Variants in LRRC37A2 observed in about 807,000 individuals in gnomAD.
LRRC37A2 encodes leucine rich repeat containing 37 member A2.
A neutral mutation model predicts 68.8 loss-of-function variants in LRRC37A2; 9 were observed. That is an observed-to-expected ratio of 0.13 (90% CI 0.08 to 0.23). The LOEUF is 0.23. Among genes scored for constraint, LRRC37A2 ranks in the 10% least tolerant of loss-of-function variants. The pLI is 1.00. For missense variants in LRRC37A2, 168 were observed against 950.4 expected, an observed-to-expected ratio of 0.18 and a Z score of 10.82; for synonymous variants, 63 against 367.6, an observed-to-expected ratio of 0.17 and a Z score of 9.48.
chr17:46,962,935 C>T, the LRRC37A2 span, among the ~76,000 whole-genome samples: 1 of 152,182 alleles, frequency 6.6e-6, no homozygotes, highest in Non-Finnish European at 1.5e-5. Flanking sequence ...GTGATTTAAT[C>T]CTTTCAAACA....
chr17:46,830,846 T>G, the LRRC37A2 span: 1 of 398,194 alleles, frequency 2.5e-6, no homozygotes, highest in East Asian at 3.6e-5. Context: ...TCCTTCTGAG[T>G]ATCCTCAAAG....
the LRRC37A2 span, among the ~76,000 whole-genome samples, chr17:46,498,880 T>C: frequency 6.6e-6 from 1 of 150,860 alleles, no homozygotes; most frequent in Non-Finnish European, 1.5e-5. Flanking sequence ...TATGTAGATA[T>C]ACGTATATAT....
At chr17:46,390,170 C>A in the LRRC37A2 span, among the ~76,000 whole-genome samples, 4 of 119,560 alleles carry the variant, frequency 3.3e-5, no homozygotes, top group East Asian at 2.2e-4. Context: ...ATCTCACCAT[C>A]TCTCTTCCTT....
chr17:46,500,939 G>A, the LRRC37A2 span, among the ~76,000 whole-genome samples: 1 of 151,158 alleles, frequency 6.6e-6, no homozygotes, highest in Admixed American at 6.6e-5. Context: ...CAGCACTTTG[G>A]GAGGCTGAAG....
the LRRC37A2 span, among the ~76,000 whole-genome samples, chr17:46,784,937 G>A: frequency 1.8e-4 from 28 of 152,094 alleles, no homozygotes; most frequent in Admixed American, 1.5e-3. Context: ...CACCATGCCC[G>A]GCTAATTTTT....
chr17:46,842,559 A>T, the LRRC37A2 span, among the ~76,000 whole-genome samples: 5 of 151,986 alleles, frequency 3.3e-5, no homozygotes, highest in African/African-American at 1.2e-4. Flanking sequence ...TTTTGTAGAG[A>T]TGGGATCTTG....
At chr17:46,896,395 A>AAAGAAAG in the LRRC37A2 span, among the ~76,000 whole-genome samples, 1 of 56,252 alleles carries the variant, frequency 1.8e-5, no homozygotes, top group East Asian at 6.2e-4. Context: ...AAAGAAAGAG[A>AAAGAAAG]AAGAAAGAAA....
chr17:46,978,502 G>T, the LRRC37A2 span: 2 of 985,940 alleles, frequency 2.0e-6, no homozygotes, highest in African/African-American at 1.7e-5. Flanking sequence ...CCCGCCGACA[G>T]TCTCGCCGCG....
At chr17:46,817,038 G>C in the LRRC37A2 span, among the ~76,000 whole-genome samples, 1 of 152,186 alleles carries the variant, frequency 6.6e-6, no homozygotes, top group African/African-American at 2.4e-5. Context: ...TGTGGGTTGG[G>C]CAGAAGAAAG....
the LRRC37A2 span, among the ~76,000 whole-genome samples, chr17:46,789,953 C>T: frequency 6.6e-6 from 1 of 152,290 alleles, no homozygotes; most frequent in Admixed American, 6.5e-5. Context: ...CTTTGCGCCT[C>T]ATCCCCCCAC....
the LRRC37A2 span, among the ~76,000 whole-genome samples, chr17:46,792,157 T>C: frequency 6.6e-6 from 1 of 152,114 alleles, no homozygotes; most frequent in Non-Finnish European, 1.5e-5. Flanking sequence ...AAAGGCAAAA[T>C]GTCAGTGCAC....
At chr17:46,732,475 A>G in the LRRC37A2 span, among the ~76,000 whole-genome samples, 1 of 151,472 alleles carries the variant, frequency 6.6e-6, no homozygotes, top group South Asian at 2.1e-4. Context: ...TTCAAGTCAG[A>G]TTTCAGTTAC....
chr17:46,922,401 G>A, the LRRC37A2 span, among the ~76,000 whole-genome samples: 62 of 152,112 alleles, frequency 4.1e-4, no homozygotes, highest in Non-Finnish European at 7.6e-4. Flanking sequence ...GTTAATGGGT[G>A]CAGCACACCA....
the LRRC37A2 span, among the ~76,000 whole-genome samples, chr17:46,735,692 C>A: frequency 6.6e-6 from 1 of 152,124 alleles, no homozygotes; most frequent in East Asian, 1.9e-4. Flanking sequence ...TGCCTGTAAT[C>A]CCAGCACTTT....
the LRRC37A2 span, among the ~76,000 whole-genome samples, chr17:46,900,184 T>TACACAC: frequency 1.6e-5 from 2 of 122,198 alleles, no homozygotes; most frequent in Admixed American, 1.6e-4. Context: ...TATATATATA[T>TACACAC]ATATATATAT....
the LRRC37A2 span, chr17:46,966,634 C>A: frequency 3.1e-6 from 2 of 653,772 alleles, no homozygotes; most frequent in East Asian, 2.9e-5. Flanking sequence ...TAGGTATGAG[C>A]CACCACCCTG....
chr17:46,870,422 T>C, the LRRC37A2 span, among the ~76,000 whole-genome samples: 1 of 152,116 alleles, frequency 6.6e-6, no homozygotes, highest in Non-Finnish European at 1.5e-5. Context: ...GGGGTTTGGG[T>C]GTAGACCTGG....
At chr17:46,979,441 A>C in the LRRC37A2 span, among the ~76,000 whole-genome samples, 1 of 152,194 alleles carries the variant, frequency 6.6e-6, no homozygotes, top group Non-Finnish European at 1.5e-5. Flanking sequence ...CGGGCCGGCG[A>C]AACTCCACCC....
At chr17:46,489,369 C>T in the LRRC37A2 span, among the ~76,000 whole-genome samples, 1 of 104,402 alleles carries the variant, frequency 9.6e-6, no homozygotes, top group African/African-American at 3.5e-5. Flanking sequence ...AACTCCTGAC[C>T]TCAGGTGATC....
Sources: allele counts gnomAD v4.1 joint callset (sites outside exome capture counted in the v4.1 genomes callset), GRCh38; gene constraint gnomAD v4.1.1; transcripts MANE v1.5; gene names NCBI Gene and HGNC (gene_info 2026-07-23, HGNC 2026-07-21).